Variants in PCNX2 observed in about 807,000 individuals in gnomAD.
PCNX2 encodes pecanex 2.
A neutral mutation model predicts 223.8 loss-of-function variants in PCNX2; 168 were observed. That is an observed-to-expected ratio of 0.75 (90% confidence interval 0.66 to 0.85). The LOEUF (loss-of-function observed/expected upper bound fraction) is 0.85. PCNX2 is among the 40% of genes least tolerant of loss of function. The probability of loss-of-function intolerance (pLI) is 0.00; values close to 1 mark genes in which losing one functional copy is unlikely to be tolerated. For synonymous variants in PCNX2, 1,006 were observed against 1,052.6 expected, an observed-to-expected ratio of 0.96 and a Z score of 0.86; for missense variants, 2,507 against 2,675.5, an observed-to-expected ratio of 0.94 and a Z score of 1.39.
chr1:233,205,694 A>C (rs1387812328), intron 13 of PCNX2, among the ~76,000 whole-genome samples: 1 of 148,946 alleles, frequency 6.7e-6, no homozygotes, highest in Non-Finnish European at 1.5e-5. Flanking sequence ...ATCCCATCTC[A>C]AAAAAAAAAA....
At chr1:233,291,630 A>AAATT in intron 1 of PCNX2, 1 of 511,992 alleles carries the variant, frequency 2.0e-6, no homozygotes, top group Non-Finnish European at 2.5e-6. Flanking sequence ...AAAAAAAAAG[A>AAATT]GGAAGAATGG....
intron 25 of PCNX2, among the ~76,000 whole-genome samples, chr1:233,053,611 C>T (rs1189765224): frequency 6.6e-6 from 1 of 152,150 alleles, no homozygotes; most frequent in Admixed American, 6.5e-5. Context: ...GTTCAGAAAA[C>T]ATGCAATGAG....
At chr1:233,118,274 A>G (rs72764001) in intron 21 of PCNX2, among the ~76,000 whole-genome samples, 17,197 of 152,120 alleles carry the variant, frequency 0.11, 1,254 homozygotes, top group East Asian at 0.21. Context: ...CAACTTACTC[A>G]TACTTACTGG....
At chr1:233,169,786 T>A (rs1442437023) in intron 17 of PCNX2, among the ~76,000 whole-genome samples, 1 of 152,058 alleles carries the variant, frequency 6.6e-6, no homozygotes, top group East Asian at 1.9e-4. Context: ...AGAAGCTTCT[T>A]GTATGTGGCT....
intron 14 of PCNX2, among the ~76,000 whole-genome samples, chr1:233,199,795 T>TACAC (rs60556502): frequency 0.059 from 8,713 of 147,916 alleles, 802 homozygotes; most frequent in African/African-American, 0.2. Context: ...TGTGCTCAAA[T>TACAC]ACACACACAC....
intron 28 of PCNX2, among the ~76,000 whole-genome samples, chr1:233,004,518 A>G (rs1670209703): frequency 1.3e-5 from 2 of 151,028 alleles, no homozygotes; most frequent in Middle Eastern, 3.4e-3. Context: ...GCCACCTCTT[A>G]CAACCCTGGT....
chr1:233,299,852 G>A (rs1572225733), upstream of PCNX2, among the ~76,000 whole-genome samples: 1 of 152,262 alleles, frequency 6.6e-6, no homozygotes. Flanking sequence ...TGAAAGGGAG[G>A]CCAGAGTGCT....
chr1:233,156,951 G>A (rs1264295351), intron 19 of PCNX2, among the ~76,000 whole-genome samples: 1 of 151,926 alleles, frequency 6.6e-6, no homozygotes, highest in Non-Finnish European at 1.5e-5. Flanking sequence ...AAAACGCAGA[G>A]ACTTGAAGCA....
chr1:233,206,125 C>A (rs1681442359), intron 13 of PCNX2, among the ~76,000 whole-genome samples: 1 of 152,032 alleles, frequency 6.6e-6, no homozygotes, highest in Non-Finnish European at 1.5e-5. Context: ...AGCCACAGAT[C>A]CCTGGGACCT....
chr1:233,305,556 C>G, the PCNX2 span, among the ~76,000 whole-genome samples: 1 of 152,100 alleles, frequency 6.6e-6, no homozygotes, highest in Non-Finnish European at 1.5e-5. Context: ...GTGATCCTCC[C>G]CCACTCAACC....
At chr1:232,984,661 G>A in intron 33 of PCNX2, 184 bp from the exon 34 acceptor site, 1 of 582,612 alleles carries the variant, frequency 1.7e-6, no homozygotes, top group Non-Finnish European at 2.9e-6. Context: ...GACAGGACGG[G>A]CAACTGAAGC....
chr1:233,155,157 C>A (rs1678045325), intron 19 of PCNX2, among the ~76,000 whole-genome samples: 1 of 151,724 alleles, frequency 6.6e-6, no homozygotes, highest in Non-Finnish European at 1.5e-5. Flanking sequence ...TAGGCACTAT[C>A]ATAGTGCACT....
intron 19 of PCNX2, among the ~76,000 whole-genome samples, chr1:233,149,980 G>T (rs1677698779): frequency 6.6e-6 from 1 of 151,778 alleles, no homozygotes; most frequent in African/African-American, 2.4e-5. Context: ...TTTCCCCTCA[G>T]ATCTAAATGA....
Position 233,001,620 on chromosome 1 carries a change from G to T in PCNX2, c.5014C>A (p.Arg1672Ser), listed in dbSNP as rs749244511. 2 of 1,589,040 alleles carry T rather than the reference G, an allele frequency of 1.3e-6. No homozygotes were observed. The highest frequency in any genetic ancestry group is 2.2e-5 in the East Asian group (1 of 44,460). ...LFKGDFRITARDEWVFADMDL... is the reference protein window; with the variant it reads ...LFKGDFRITASDEWVFADMDL... ...ATGTCAGCAAATACCCACTCGTCAC[G>T]TGCTGTTATTCTGAAGTCACCTTTG... The change falls in exon 29 of 34, where the codon CGT becomes AGT. Residue 1672 changes from arginine (R) to serine (S), a missense_variant. Physicochemically the swap from Arg to Ser is moderately radical, Grantham distance 110 (BLOSUM62 -1). Coordinates refer to ENST00000258229, the MANE Select transcript of PCNX2 (RefSeq NM_014801.4). This position sits in a 1 kb window ranked among gnomAD's most constrained non-coding sequence, Gnocchi z 4.2.
In PCNX2 at chr1:233,179,192, A is replaced by G; in HGVS notation, c.3067-17T>C. On this transcript the variant is annotated splice_polypyrimidine_tract_variant and intron_variant, in intron 15 of 33. Transcript: ENST00000258229. ...CCACGGTTCCTAAAGAAAAGACATC[A>G]GTTAGCCAAGTCACTCCACAGCTGT... is the stretch of plus-strand genomic sequence containing the variant. 1 of 1,612,142 alleles carries G rather than the reference A, an allele frequency of 6.2e-7. No homozygotes were observed. The highest frequency in any genetic ancestry group is 8.5e-7 in the Non-Finnish European group (1 of 1,178,502).
At chr1:233,190,827 G>A (rs898349890) in intron 15 of PCNX2, among the ~76,000 whole-genome samples, 1 of 152,150 alleles carries the variant, frequency 6.6e-6, no homozygotes. Context: ...ATAGAAAACA[G>A]AAATAAAAGT....
intron 20 of PCNX2, among the ~76,000 whole-genome samples, chr1:233,137,968 A>C (rs79661042): frequency 0.02 from 3,073 of 152,316 alleles, 40 homozygotes; most frequent in East Asian, 0.052. Flanking sequence ...CAAAAATCAC[A>C]GGGAGGGGCT....
intron 17 of PCNX2, among the ~76,000 whole-genome samples, chr1:233,161,639 A>C (rs1037290990): frequency 1.3e-5 from 2 of 152,098 alleles, no homozygotes; most frequent in African/African-American, 4.8e-5. Context: ...AGAAAGAAGA[A>C]AGGTTTTCTA....
At chr1:233,236,693 G>C (rs1222025665) in intron 9 of PCNX2, among the ~76,000 whole-genome samples, 152 bp downstream of exon 9, 2 of 152,194 alleles carry the variant, frequency 1.3e-5, no homozygotes, top group Non-Finnish European at 2.9e-5. Context: ...CATTCAGTCA[G>C]TAGACTGCCT....
Sources: gnomAD v4.1 joint callset for allele counts (sites outside exome capture counted in the v4.1 genomes callset) on GRCh38, gnomAD v4.1.1 for gene constraint, Gnocchi (gnomAD v3.1) non-coding constraint, MANE v1.5 for transcripts, NCBI Gene and HGNC (gene_info 2026-07-23, HGNC 2026-07-21) for gene names.